FBXO25: variants seen among roughly 807,000 people sequenced by gnomAD.
FBXO25 encodes the protein F-box only protein 25.
A neutral mutation model predicts 51.9 loss-of-function variants in FBXO25; 45 were observed. The ratio of observed to expected loss-of-function variants is 0.87; its 90% CI spans 0.68 to 1.11. The LOEUF is 1.11. FBXO25 is among the 50% of genes most tolerant of loss of function. FBXO25 has a pLI of 0.00. For missense variants in FBXO25, 507 were observed against 428.5 expected (o/e 1.18, Z -1.62); for synonymous variants, 199 against 151.0 (o/e 1.32, Z -2.33).
chr8:454,969 C>G (rs946809261), intron 7 of FBXO25, among the ~76,000 whole-genome samples: 1 of 151,666 alleles, frequency 6.6e-6, no homozygotes, highest in African/African-American at 2.4e-5. Context: ...TGCTTAACAA[C>G]TGGCTCTCCA....
intron 5 of FBXO25, among the ~76,000 whole-genome samples, chr8:445,985 C>A (rs1013839168): frequency 1.1e-4 from 17 of 151,904 alleles, no homozygotes; most frequent in Non-Finnish European, 2.2e-4. Context: ...GTTCAGTCTT[C>A]CATAATGTAG....
At chr8:459,905 C>T (rs1000796539) in intron 8 of FBXO25, among the ~76,000 whole-genome samples, 7 of 152,132 alleles carry the variant, frequency 4.6e-5, no homozygotes, top group South Asian at 2.1e-4. Context: ...GAGATTTAGC[C>T]GAGCAGAGGT....
intron 7 of FBXO25, among the ~76,000 whole-genome samples, chr8:455,579 G>A (rs73669389): frequency 6.6e-6 from 1 of 152,088 alleles, no homozygotes; most frequent in South Asian, 2.1e-4. Context: ...CTGTATCTCT[G>A]TTTTTTTTCT....
intron 5 of FBXO25, among the ~76,000 whole-genome samples, chr8:436,557 A>C (rs1160125004): frequency 1.3e-5 from 2 of 152,176 alleles, no homozygotes; most frequent in East Asian, 3.9e-4. Context: ...GTTGTGCTGC[A>C]TGCTTCACTG....
In FBXO25 at chr8:451,366, A is replaced by G. The variant is rs777874042; in HGVS notation, c.573A>G (p.Val191=). The part of the protein sequence containing the change: ...CILIRGVGKS[V]LVGNINIWIC... ...TTATTAGAGGAGTAGGGAAGTCTGT[A>G]TTAGTGGGAAACATCAATATTTGGA... is the stretch of plus-strand genomic sequence containing the variant. The change falls in exon 7 of 10, where the codon GTA becomes GTG. Residue 191 remains valine, a synonymous_variant. Transcript: ENST00000350302. 5.0e-6 allele frequency: 8 copies of G among 1,614,046 alleles called. No homozygotes were observed. The highest frequency in any genetic ancestry group is 1.7e-4 in the Middle Eastern group (1 of 6,058).
At chr8:456,211 G>GAAA (rs1266340663) in intron 7 of FBXO25, among the ~76,000 whole-genome samples, 1 of 152,096 alleles carries the variant, frequency 6.6e-6, no homozygotes, top group Non-Finnish European at 1.5e-5. Context: ...TTTTTGTTTT[G>GAAA]TTTTGTTTTT....
chr8:416,858 G>T (rs962276057), intron 2 of FBXO25, among the ~76,000 whole-genome samples: 3 of 152,238 alleles, frequency 2.0e-5, no homozygotes, highest in Non-Finnish European at 4.4e-5. Context: ...CAGATAGGCA[G>T]TGGACAAGAT....
intron 9 of FBXO25, among the ~76,000 whole-genome samples, chr8:466,064 A>G (rs1459772246): frequency 1.3e-5 from 2 of 152,194 alleles, no homozygotes. Context: ...CTGTAGCTAC[A>G]GTGAGTGGTC....
At chr8:437,485 C>T (rs1405774180) in intron 5 of FBXO25, among the ~76,000 whole-genome samples, 1 of 152,244 alleles carries the variant, frequency 6.6e-6, no homozygotes, top group East Asian at 1.9e-4. Flanking sequence ...GGGAATCCCA[C>T]CTTCCCTCTC....
At chr8:415,522 C>G (rs914141809) in intron 2 of FBXO25, among the ~76,000 whole-genome samples, 2 of 152,150 alleles carry the variant, frequency 1.3e-5, no homozygotes, top group African/African-American at 4.8e-5. Context: ...GGTAGGTCGG[C>G]TGGGGTCCAG....
In FBXO25 at chr8:450,025, A is replaced by G; in HGVS notation, c.417A>G (p.Ser139=). Residue 139 remains serine (S), a synonymous_variant, in exon 6 of 10, where the codon TCA becomes TCG. Transcript: ENST00000350302. ...TAATTGCAAAATCCCAGTTAACTTCATTGAGTGGCGTGGCACAGAAGAATT... is the reference window on the plus strand; with the variant it reads ...TAATTGCAAAATCCCAGTTAACTTCGTTGAGTGGCGTGGCACAGAAGAATT... ...LQLIAKSQLT[S]LSGVAQKNYF... 6.2e-7 allele frequency: 1 copy of G among 1,612,806 alleles called. No homozygotes were observed. Among genetic ancestry groups the G allele is most frequent in the Non-Finnish European group, 8.5e-7 (1 of 1,179,586 alleles).
intron 4 of FBXO25, among the ~76,000 whole-genome samples, chr8:434,161 C>T (rs1355008333): frequency 6.6e-6 from 1 of 152,162 alleles, no homozygotes; most frequent in East Asian, 1.9e-4. Context: ...TGTCCCTGCA[C>T]CACGTCATGT....
At chr8:423,265 ACT>A (rs1797265682) in intron 2 of FBXO25, among the ~76,000 whole-genome samples, 1 of 152,100 alleles carries the variant, frequency 6.6e-6, no homozygotes, top group Non-Finnish European at 1.5e-5. Context: ...TGTGGTTCTT[ACT>A]CAGAGTTGTC....
chr8:426,009 G>C (rs1205331470), intron 2 of FBXO25, among the ~76,000 whole-genome samples: 1 of 151,712 alleles, frequency 6.6e-6, no homozygotes, highest in African/African-American at 2.4e-5. Flanking sequence ...CCCAGTCCCA[G>C]TTGGCCCCTG....
Position 458,392 on chromosome 8 carries a change from CAGT to C in FBXO25, c.685_687del (p.Ser229del), listed in dbSNP as rs761534205. The C allele has an allele frequency of 5.0e-6, 8 of 1,613,938 alleles. No individual in the cohort carries two copies. Among genetic ancestry groups the C allele is most frequent in the Non-Finnish European group, 6.8e-6 (8 of 1,179,914 alleles). ...AGCAAGTGAACAATGGCCTCACCCT[CAGT>C]GACCTTCCTCTGCACATGCTGAACA... On this transcript the variant is annotated inframe_deletion, in exon 8 of 10. Coordinates refer to ENST00000350302, the MANE Select transcript of FBXO25 (RefSeq NM_183420.2).
intron 2 of FBXO25, among the ~76,000 whole-genome samples, chr8:417,374 C>T (rs1403499115): frequency 2.0e-5 from 3 of 152,168 alleles, no homozygotes; most frequent in African/African-American, 4.8e-5. Flanking sequence ...GGTTAACCCC[C>T]ATGGGAAATG....
At chr8:438,305 T>A (rs541772066) in intron 5 of FBXO25, among the ~76,000 whole-genome samples, 6 of 152,310 alleles carry the variant, frequency 3.9e-5, no homozygotes, top group African/African-American at 1.4e-4. Flanking sequence ...GTGATCCACC[T>A]GCCTCGGCCT....
At chr8:446,147 G>C (rs1229640106) in intron 5 of FBXO25, among the ~76,000 whole-genome samples, 1 of 152,084 alleles carries the variant, frequency 6.6e-6, no homozygotes, top group African/African-American at 2.4e-5. Flanking sequence ...CGAATGTGAG[G>C]ATGGAAAAGG....
chr8:463,770 T>C (rs936504496), intron 9 of FBXO25, among the ~76,000 whole-genome samples: 3 of 152,216 alleles, frequency 2.0e-5, no homozygotes, highest in African/African-American at 4.8e-5. Flanking sequence ...TGTGTCTAAA[T>C]AGAATGTTTT....
Sources: gnomAD v4.1 joint callset for allele counts (sites outside exome capture counted in the v4.1 genomes callset) on GRCh38, gnomAD v4.1.1 for gene constraint, MANE v1.5 for transcripts, NCBI Gene and HGNC (gene_info 2026-07-23, HGNC 2026-07-21) for gene names.